The following RAD51B variants were observed in gnomAD, a reference collection of about 807,000 sequenced individuals.
RAD51B encodes RAD51 paralog B.
Under a neutral mutation model 42.2 loss-of-function variants are expected in RAD51B, and 38 were observed. The ratio of observed to expected loss-of-function variants is 0.90; its 90% CI spans 0.70 to 1.18. RAD51B has a LOEUF of 1.18. Ranked by LOEUF, RAD51B falls within the 50% of genes most tolerant of loss-of-function variation. The pLI, the probability that RAD51B is intolerant of heterozygous loss-of-function variation, is 0.00. For missense variants in RAD51B, 373 were observed against 400.7 expected, an observed-to-expected ratio of 0.93 and a Z score of 0.59; for synonymous variants, 154 against 145.2, an observed-to-expected ratio of 1.06 and a Z score of -0.43.
chr14:68,090,264 T>G (rs1178613622), intron 7 of RAD51B, among the ~76,000 whole-genome samples: 1 of 152,198 alleles, frequency 6.6e-6, no homozygotes, highest in African/African-American at 2.4e-5. Context: ...CTATACTTAT[T>G]TTAAAGCAAC....
chr14:68,678,869 C>T (rs574041911), intron 11 of RAD51B, among the ~76,000 whole-genome samples: 3 of 152,148 alleles, frequency 2.0e-5, no homozygotes, highest in Admixed American at 6.5e-5. Flanking sequence ...GTGAAGGAGC[C>T]CTTTACGAAA....
chr14:67,930,642 A>G (rs561558514), intron 7 of RAD51B, among the ~76,000 whole-genome samples: 1 of 152,208 alleles, frequency 6.6e-6, no homozygotes, highest in South Asian at 2.1e-4. Context: ...CATTGACTTT[A>G]TGCAGCTTGA....
chr14:68,133,973 A>G (rs1158043211), intron 7 of RAD51B, among the ~76,000 whole-genome samples: 1 of 152,176 alleles, frequency 6.6e-6, no homozygotes, highest in Admixed American at 6.5e-5. Context: ...CAACCCATAA[A>G]ACTTATTTCA....
At position 68,669,627 on chromosome 14, in the gene RAD51B, TA is replaced by T. The variant is rs555479342; in HGVS notation, c.*11+18772del. On this transcript the variant is annotated intron_variant, in intron 11 of 11. Coordinates refer to the RAD51B transcript ENST00000488612. ...CAAACACACTATCAAACCCGCCACT[TA>T]CACACACACACACACACACACACAC... Among the ~76,000 whole-genome samples, 187 of 148,024 alleles carry T rather than the reference TA, an allele frequency of 1.3e-3. 1 individual carries two copies. Among genetic ancestry groups the T allele is most frequent in the Middle Eastern group, 3.5e-3 (1 of 288 alleles).
At chr14:68,190,124 A>G (rs886641352) in intron 7 of RAD51B, among the ~76,000 whole-genome samples, 6 of 152,222 alleles carry the variant, frequency 3.9e-5, no homozygotes. Flanking sequence ...AATGATATTT[A>G]TGCATGTTTT....
intron 7 of RAD51B, among the ~76,000 whole-genome samples, chr14:68,285,486 G>A (rs1340727341): frequency 6.6e-6 from 1 of 152,194 alleles, no homozygotes; most frequent in African/African-American, 2.4e-5. Context: ...CAGGCGGGTT[G>A]GTGAGTAGAC....
intron 4 of RAD51B, among the ~76,000 whole-genome samples, chr14:67,849,462 T>C (rs186634932): frequency 8.2e-4 from 125 of 152,268 alleles, no homozygotes; most frequent in African/African-American, 2.8e-3. Context: ...TATATTATTT[T>C]AGTAGAGATG....
chr14:68,316,408 T>C (rs2082062973), intron 8 of RAD51B, among the ~76,000 whole-genome samples: 1 of 152,016 alleles, frequency 6.6e-6, no homozygotes, highest in South Asian at 2.1e-4. Context: ...GGTGCTTTGA[T>C]GGTGGCCTTT....
At chr14:67,915,684 T>C (rs1358542513) in intron 7 of RAD51B, among the ~76,000 whole-genome samples, 1 of 152,220 alleles carries the variant, frequency 6.6e-6, no homozygotes, top group Non-Finnish European at 1.5e-5. Context: ...CATTCTTATA[T>C]AAGAGTTGGA....
At chr14:68,610,841 A>ATGTGTGTGTGTGTG (rs1323864540) in intron 10 of RAD51B, among the ~76,000 whole-genome samples, 1 of 71,236 alleles carries the variant, frequency 1.4e-5, no homozygotes, top group Non-Finnish European at 2.8e-5. Context: ...ATCTGAATGT[A>ATGTGTGTGTGTGTG]TATGTGTGTG....
intron 7 of RAD51B, among the ~76,000 whole-genome samples, chr14:68,037,532 T>G (rs2076153374): frequency 6.6e-6 from 1 of 152,060 alleles, no homozygotes; most frequent in Non-Finnish European, 1.5e-5. Flanking sequence ...TCTTTCTTTT[T>G]TTAAAGGGCT....
intron 10 of RAD51B, chr14:68,497,567 A>C (rs1341318790): frequency 6.9e-6 from 7 of 1,020,768 alleles, no homozygotes; most frequent in Non-Finnish European, 8.3e-6. Context: ...TAACCATTTT[A>C]AAGTAAACAA....
chr14:68,299,614 A>G (rs1050915500), intron 8 of RAD51B, among the ~76,000 whole-genome samples: 3 of 152,154 alleles, frequency 2.0e-5, no homozygotes, highest in Middle Eastern at 3.2e-3. Flanking sequence ...TCCCCTGCAG[A>G]TACTGAGGGA....
chr14:68,040,442 T>C (rs1453954966), intron 7 of RAD51B, among the ~76,000 whole-genome samples: 1 of 152,248 alleles, frequency 6.6e-6, no homozygotes, highest in African/African-American at 2.4e-5. Flanking sequence ...TCATGAAATC[T>C]TGGGTTTAAG....
intron 5 of RAD51B, among the ~76,000 whole-genome samples, chr14:67,870,313 C>A (rs2042481504): frequency 6.6e-6 from 1 of 152,102 alleles, no homozygotes; most frequent in Non-Finnish European, 1.5e-5. Context: ...AGACTTTAAA[C>A]CAACAAAGAT....
chr14:68,331,386 G>C (rs1162652660), intron 8 of RAD51B, among the ~76,000 whole-genome samples: 3 of 44,640 alleles, frequency 6.7e-5, no homozygotes, highest in East Asian at 4.9e-4. Context: ...AAAAAAAAAA[G>C]CAATGGTGTT....
chr14:68,130,839 CT>C (rs1199837276), intron 7 of RAD51B, among the ~76,000 whole-genome samples: 1 of 152,052 alleles, frequency 6.6e-6, no homozygotes, highest in Non-Finnish European at 1.5e-5. Flanking sequence ...CCATAATCTA[CT>C]GGTTCTTAAT....
rs35880681 is a variant in RAD51B, at chr14:68,055,441, A to G, written c.756+168237A>G. Among the ~76,000 whole-genome samples the G allele has an allele frequency of 9.1e-3, 1,387 of 152,296 alleles. 23 individuals are homozygous for G. The highest frequency in any genetic ancestry group is 0.031 in the African/African-American group (1,302 of 41,552). Reference sequence around the variant, plus strand: ...CCAGGGTTCTGAATTCTCATGTCATATGTAAATCAGTAACCTTTCAGAGAT... The same window carrying G: ...CCAGGGTTCTGAATTCTCATGTCATGTGTAAATCAGTAACCTTTCAGAGAT... On this transcript the variant is annotated intron_variant, in intron 7 of 10. Transcript: ENST00000471583.
At chr14:68,302,342 T>C (rs2081759209) in intron 8 of RAD51B, among the ~76,000 whole-genome samples, 1 of 152,170 alleles carries the variant, frequency 6.6e-6, no homozygotes, top group South Asian at 2.1e-4. Flanking sequence ...TGGGATGTTT[T>C]TGGGGAACAG....
Sources: allele counts gnomAD v4.1 joint callset (sites outside exome capture counted in the v4.1 genomes callset), GRCh38; gene constraint gnomAD v4.1.1; transcripts MANE v1.5; gene names NCBI Gene and HGNC (gene_info 2026-07-23, HGNC 2026-07-21).